The following CBFA2T3 variants were observed in gnomAD, a reference collection of about 807,000 sequenced individuals.
CBFA2T3 encodes the protein CBFA2/RUNX1 partner transcriptional co-repressor 3.
CBFA2T3 carries 31 observed loss-of-function variants against 58.6 expected under a neutral mutation model. The observed-to-expected ratio is 0.53, with a 90% CI of 0.40 to 0.71. CBFA2T3 has a LOEUF of 0.71. Among genes scored for constraint, CBFA2T3 ranks in the 30% least tolerant of loss-of-function variants. The pLI, the probability that CBFA2T3 is intolerant of heterozygous loss-of-function variation, is 0.00. For synonymous variants in CBFA2T3, 531 were observed against 421.9 expected (o/e 1.26, Z -3.17); for missense variants, 1,076 against 963.1 (o/e 1.12, Z -1.55).
At chr16:88,950,269 G>C (rs71395347) in intron 1 of CBFA2T3, 75 of 260,338 alleles carry the variant, frequency 2.9e-4, no homozygotes, top group African/African-American at 8.3e-4. Context: ...CTGTTCACCC[G>C]TCCCCTGGAC....
intron 1 of CBFA2T3, among the ~76,000 whole-genome samples, chr16:88,904,608 C>T (rs768736697): frequency 7.9e-5 from 12 of 152,250 alleles, no homozygotes; most frequent in African/African-American, 1.9e-4. Context: ...CAGGAGGCCC[C>T]GTGCCTGAGG....
At chr16:88,879,851 C>A in intron 10 of CBFA2T3, 1 of 202,890 alleles carries the variant, frequency 4.9e-6, no homozygotes, top group East Asian at 1.1e-4. Flanking sequence ...AGGGGCGCAC[C>A]CGGAATCTGC....
chr16:88,907,514 C>T (rs913287475), intron 1 of CBFA2T3, among the ~76,000 whole-genome samples: 6 of 151,938 alleles, frequency 3.9e-5, no homozygotes, highest in East Asian at 1.9e-4. Context: ...TCTGTCCTCA[C>T]GGATTCTTCC....
chr16:88,906,054 C>A (rs763702329), intron 1 of CBFA2T3, among the ~76,000 whole-genome samples: 1 of 151,992 alleles, frequency 6.6e-6, no homozygotes, highest in Non-Finnish European at 1.5e-5. Flanking sequence ...GAGATGAGGC[C>A]GTGCGCAGCA....
At chr16:88,948,182 A>G (rs1320469220) in intron 1 of CBFA2T3, among the ~76,000 whole-genome samples, 3 of 152,238 alleles carry the variant, frequency 2.0e-5, no homozygotes, top group African/African-American at 7.2e-5. Flanking sequence ...GCCGCAAGCC[A>G]CGTGGTGATT....
chr16:88,932,680 G>T (rs1353610650), intron 1 of CBFA2T3, among the ~76,000 whole-genome samples: 3 of 150,642 alleles, frequency 2.0e-5, no homozygotes, highest in Admixed American at 6.6e-5. Flanking sequence ...GGGCGCGGTG[G>T]TTCACGCCTG....
chr16:88,933,272 C>T (rs916269620), intron 1 of CBFA2T3, among the ~76,000 whole-genome samples: 4 of 152,062 alleles, frequency 2.6e-5, no homozygotes, highest in Non-Finnish European at 2.9e-5. Flanking sequence ...CAGTGCCACA[C>T]GTCTGCACGC....
chr16:88,951,720 G>A (rs1972078367), intron 1 of CBFA2T3, among the ~76,000 whole-genome samples: 1 of 152,140 alleles, frequency 6.6e-6, no homozygotes. Flanking sequence ...ACCACACGCG[G>A]CCAATCACAA....
intron 1 of CBFA2T3, among the ~76,000 whole-genome samples, chr16:88,963,897 C>T (rs895483551): frequency 6.6e-6 from 1 of 152,250 alleles, no homozygotes; most frequent in Non-Finnish European, 1.5e-5. Flanking sequence ...GGTTCCTCAT[C>T]CCTCTGAGCC....
intron 1 of CBFA2T3, among the ~76,000 whole-genome samples, chr16:88,974,053 C>A (rs527546699): frequency 6.6e-6 from 1 of 152,186 alleles, no homozygotes; most frequent in African/African-American, 2.4e-5. Flanking sequence ...CCATGGAGGT[C>A]CCAGCACATG....
chr16:88,907,438 G>A (rs979897484), intron 1 of CBFA2T3, among the ~76,000 whole-genome samples: 8 of 152,206 alleles, frequency 5.3e-5, no homozygotes, highest in Admixed American at 3.9e-4. Flanking sequence ...GGTGGGCAGC[G>A]GGTGCGGAAT....
chr16:88,968,217 GGCC>G (rs1161444844), intron 1 of CBFA2T3, among the ~76,000 whole-genome samples: 1 of 152,198 alleles, frequency 6.6e-6, no homozygotes, highest in Non-Finnish European at 1.5e-5. Context: ...CAGGGGCCCT[GGCC>G]GCAGGACTGC....
chr16:88,931,628 G>T (rs558697202), intron 1 of CBFA2T3, among the ~76,000 whole-genome samples: 37 of 149,598 alleles, frequency 2.5e-4, no homozygotes, highest in East Asian at 1.2e-3. Flanking sequence ...CCCCGTGGAC[G>T]AGCCAGAGGT....
chr16:88,976,446 C>G (rs1048071458), intron 1 of CBFA2T3, among the ~76,000 whole-genome samples: 1 of 152,130 alleles, frequency 6.6e-6, no homozygotes, highest in Non-Finnish European at 1.5e-5. Context: ...TGGCTGGCAC[C>G]TGCCAAACCC....
intron 1 of CBFA2T3, among the ~76,000 whole-genome samples, chr16:88,919,612 C>A (rs1970846656): frequency 6.6e-6 from 1 of 152,210 alleles, no homozygotes; most frequent in Non-Finnish European, 1.5e-5. Context: ...AAACTGCACG[C>A]ATGGTGCAGG....
chr16:88,892,218 GC>G, intron 4 of CBFA2T3, 25 bp downstream of exon 4: 1 of 1,597,216 alleles, frequency 6.3e-7, no homozygotes. Flanking sequence ...ATGTCCCAAG[GC>G]CCCGGCTGTC....
chr16:88,903,575 G>C (rs978368286), intron 1 of CBFA2T3, among the ~76,000 whole-genome samples: 2 of 152,068 alleles, frequency 1.3e-5, no homozygotes, highest in Non-Finnish European at 2.9e-5. Flanking sequence ...ACACCGCCTG[G>C]CTGCAGGGCC....
intron 2 of CBFA2T3, among the ~76,000 whole-genome samples, chr16:88,901,094 C>T (rs1272614112): frequency 6.6e-6 from 1 of 152,268 alleles, no homozygotes; most frequent in African/African-American, 2.4e-5. Flanking sequence ...GCGGAAGCCC[C>T]TGACCCCATC....
chr16:88,976,019 C>T (rs927175734), intron 1 of CBFA2T3, among the ~76,000 whole-genome samples: 1 of 152,240 alleles, frequency 6.6e-6, no homozygotes, highest in African/African-American at 2.4e-5. Flanking sequence ...GTCCGGGGAT[C>T]CTTGTCCTGG....
Sources: allele counts gnomAD v4.1 joint callset (sites outside exome capture counted in the v4.1 genomes callset), GRCh38; gene constraint gnomAD v4.1.1; transcripts MANE v1.5; gene names NCBI Gene and HGNC (gene_info 2026-07-23, HGNC 2026-07-21).